The following ZNF169 variants were observed in gnomAD, a reference collection of about 807,000 sequenced individuals.
ZNF169 encodes the protein zinc finger protein 169.
Under a neutral mutation model 12.0 loss-of-function variants are expected in ZNF169, and 11 were observed. The ratio of observed to expected loss-of-function variants is 0.92; its 90% confidence interval spans 0.58 to 1.52. The LOEUF (loss-of-function observed/expected upper bound fraction) is 1.52, where lower values mean the gene tolerates loss of function less well. ZNF169 is among the 40% of genes most tolerant of loss of function. ZNF169 has a pLI of 0.00. For missense variants in ZNF169, 722 were observed against 744.0 expected (o/e 0.97, Z 0.34); for synonymous variants, 302 against 286.5 (o/e 1.05, Z -0.55).
chr9:94,301,032 G>C lies in ZNF169; in HGVS notation c.1474G>C (p.Gly492Arg). 1.9e-6 allele frequency: 3 copies of C among 1,614,042 alleles called. No individual in the cohort carries two copies. Among genetic ancestry groups the C allele is most frequent in the Non-Finnish European group, 2.5e-6 (3 of 1,180,018 alleles). ...GEKPYLCPKC[G>R]RAFGFKSLLT... Reference sequence around the variant, plus strand: ...GAAGCCTTATCTGTGCCCCAAGTGTGGGCGTGCATTTGGCTTTAAGTCGCT... The same window carrying C: ...GAAGCCTTATCTGTGCCCCAAGTGTCGGCGTGCATTTGGCTTTAAGTCGCT... Residue 492 changes from glycine to arginine, a missense_variant, in exon 5 of 5, where the codon GGG (glycine) becomes CGG (arginine). Coordinates refer to ENST00000395395, the MANE Select transcript of ZNF169 (RefSeq NM_194320.4).
intron 1 of ZNF169, among the ~76,000 whole-genome samples, chr9:94,270,689 T>C (rs1274009614): frequency 2.5e-5 from 1 of 39,668 alleles, no homozygotes; most frequent in Non-Finnish European, 7.0e-5. Flanking sequence ...TATATATAAA[T>C]ATATAATTTA....
At chr9:94,292,307 C>A in intron 2 of ZNF169, 34 bp from the exon 3 acceptor site, 1 of 1,613,694 alleles carries the variant, frequency 6.2e-7, no homozygotes. Flanking sequence ...GCATGGCTGG[C>A]TGTTGAGTGA....
At chr9:94,287,873 C>T in intron 2 of ZNF169, 1 of 1,004,832 alleles carries the variant, frequency 1.0e-6, no homozygotes, top group Non-Finnish European at 1.6e-6. Context: ...CAGGGTCGAT[C>T]TGATACTTGG....
chr9:94,269,957 G>A lies in ZNF169; in HGVS notation c.-55-8801G>A, dbSNP rs544612414. On this transcript the variant is annotated intron_variant, in intron 1 of 4. Transcript: ENST00000395395. ...CCTGCTAAATCAGGAGGTTTGAGGAGTTCCTTCAGGCCCCAAATAAACTTG... is the reference window on the plus strand; with the variant it reads ...CCTGCTAAATCAGGAGGTTTGAGGAATTCCTTCAGGCCCCAAATAAACTTG... Among the ~76,000 whole-genome samples, 9 of 152,296 alleles carry A rather than the reference G, an allele frequency of 5.9e-5. No individual in the cohort carries two copies. In the East Asian group the frequency reaches 1.7e-3, roughly 29 times the overall value.
chr9:94,300,377 G>A lies in ZNF169; in HGVS notation c.819G>A (p.Gln273=), dbSNP rs1288204739. Residue 273 remains glutamine (Q), a synonymous_variant, in exon 5 of 5, where the codon CAG becomes CAA. Transcript: ENST00000395395. ...CTGAGTGTGGGCGTCGGTTTAGCCA[G>A]AAGGCCTCCCTCTCCATACACCAGA... ...LCPECGRRFS[Q]KASLSIHQRK... is the part of the protein sequence containing the mutation. The A allele has an allele frequency of 6.2e-7, 1 of 1,613,860 alleles. No individual in the cohort carries two copies. Among genetic ancestry groups the A allele is most frequent in the Non-Finnish European group, 8.5e-7 (1 of 1,179,924 alleles).
intron 1 of ZNF169, among the ~76,000 whole-genome samples, chr9:94,260,957 C>A (rs994776117): frequency 6.6e-6 from 1 of 150,954 alleles, no homozygotes. Context: ...GTAGCTGGTA[C>A]CACAGGCGCC....
intron 4 of ZNF169, among the ~76,000 whole-genome samples, chr9:94,296,042 T>A (rs62579665): frequency 1.3e-5 from 2 of 152,018 alleles, no homozygotes; most frequent in Non-Finnish European, 2.9e-5. Context: ...TTGTCAAAAC[T>A]TGGCTTGGTT....
chr9:94,267,630 GCAAAA>G (rs1421223307), intron 1 of ZNF169, among the ~76,000 whole-genome samples: 1 of 152,134 alleles, frequency 6.6e-6, no homozygotes, highest in Non-Finnish European at 1.5e-5. Flanking sequence ...ACACTGAAAA[GCAAAA>G]CAAAGGATTA....
At chr9:94,294,755 A>G (rs539783623) in intron 4 of ZNF169, 90 of 152,304 alleles carry the variant, frequency 5.9e-4, no homozygotes, top group African/African-American at 2.1e-3. Context: ...TGACCATTCA[A>G]GGTGTTTGCC....
intron 1 of ZNF169, 107 bp from the exon 2 acceptor site, chr9:94,278,651 C>G: frequency 1.7e-6 from 1 of 598,114 alleles, no homozygotes; most frequent in Non-Finnish European, 2.9e-6. Context: ...TGCAACCTGT[C>G]TTTGTTGCTT....
intron 1 of ZNF169, among the ~76,000 whole-genome samples, chr9:94,260,812 ATTTTTTTTT>A (rs561717345): frequency 1.4e-5 from 1 of 70,082 alleles, no homozygotes; most frequent in African/African-American, 3.9e-5. Context: ...CCAAACCTAC[ATTTTTTTTT>A]TTTTTTTTTT....
rs561566587 is a variant in ZNF169, at chr9:94,300,992, GAC to G, written c.1442_1443del (p.Thr481ArgfsTer17). ...AGGTCACCCTCATCAGACACCAGAGGACACACACAGGGGAGAAGCCTTATCTG... is the reference window on the plus strand; with the variant it reads ...AGGTCACCCTCATCAGACACCAGAGGACACACAGGGGAGAAGCCTTATCTG... ...QKVTLIRHQR[T>X]HTGEKPYLCP... On this transcript the variant is annotated frameshift_variant, in exon 5 of 5. Transcript: ENST00000395395. LOFTEE classifies it low-confidence loss of function (END_TRUNC). The G allele has an allele frequency of 3.8e-5, 62 of 1,612,436 alleles. No homozygotes were observed. The African/African-American group carries it at 4.8e-4, about 13-fold the overall frequency.
chr9:94,300,665 AG>A lies in ZNF169; in HGVS notation c.1111del (p.Glu371ArgfsTer145). ...TCCTCCAGCACCAGAGCTCACACAC[AG>A]GGGAGAGGCCCTTCCTGTGCCTTGA... The part of the protein sequence containing the change: ...SLLQHQSSHT[G>X]ERPFLCLECG... On this transcript the variant is annotated frameshift_variant, in exon 5 of 5. Transcript: ENST00000395395. LOFTEE classifies it low-confidence loss of function (END_TRUNC). The A allele has an allele frequency of 6.2e-7, 1 of 1,613,854 alleles. No individual in the cohort carries two copies. Among genetic ancestry groups the A allele is most frequent in the South Asian group, 1.1e-5 (1 of 91,048 alleles).
chr9:94,282,728 G>T (rs936196720), intron 2 of ZNF169, among the ~76,000 whole-genome samples: 2 of 151,896 alleles, frequency 1.3e-5, no homozygotes, highest in Non-Finnish European at 2.9e-5. Context: ...TATTTGTTGT[G>T]TACAGGAGAC....
At position 94,301,481 on chromosome 9, in the gene ZNF169, A is replaced by G. The variant is rs1587693143; in HGVS notation, c.*111A>G. The G allele has an allele frequency of 1.4e-6, 2 of 1,441,776 alleles. No individual in the cohort carries two copies. The highest frequency in any genetic ancestry group is 3.1e-5 in the South Asian group (2 of 64,302). 89.3% of individuals were successfully genotyped at this position (1,441,776 alleles called of 1,614,324 possible). On this transcript the variant is annotated 3_prime_UTR_variant, in exon 5 of 5. Transcript: ENST00000395395. ...GTTGCTTTCTTTCATCGATCATGAG[A>G]TAGTTGATTTTTGGTTTACTTTCTA...
chr9:94,292,762 T>A, intron 3 of ZNF169: 1 of 616,586 alleles, frequency 1.6e-6, no homozygotes, highest in Non-Finnish European at 2.8e-6. Flanking sequence ...TTTTATTGAC[T>A]CAAGCACAGG....
chr9:94,293,185 CCA>C, intron 4 of ZNF169, 116 bp downstream of exon 4: 1 of 919,348 alleles, frequency 1.1e-6, no homozygotes. Context: ...GCCTCCTAGG[CCA>C]CTGGTAAAGG....
Position 94,300,187 on chromosome 9 carries a change from G to A in ZNF169, c.629G>A (p.Gly210Glu). Residue 210 changes from glycine (G) to glutamate (E), a missense_variant, in exon 5 of 5, where the codon GGA (glycine) becomes GAA (glutamate). Coordinates refer to ENST00000395395, the MANE Select transcript of ZNF169 (RefSeq NM_194320.4). ...MLKGADTSES[G>E]AVIRGNYRLG... is the part of the protein sequence containing the mutation. Reference sequence around the variant, plus strand: ...AAGGGAGCAGACACTTCAGAATCTGGAGCAGTCATACGTGGAAACTATAGA... The same window carrying A: ...AAGGGAGCAGACACTTCAGAATCTGAAGCAGTCATACGTGGAAACTATAGA... The A allele has an allele frequency of 1.2e-6, 2 of 1,614,178 alleles. No individual in the cohort carries two copies. The highest frequency in any genetic ancestry group is 1.7e-6 in the Non-Finnish European group (2 of 1,180,032).
intron 2 of ZNF169, among the ~76,000 whole-genome samples, chr9:94,285,445 G>A (rs1248282678): frequency 6.6e-6 from 1 of 152,040 alleles, no homozygotes; most frequent in Non-Finnish European, 1.5e-5. Context: ...TTTGGAGGTT[G>A]GAAGGGGAAA....
Sources: gnomAD v4.1 joint callset for allele counts (sites outside exome capture counted in the v4.1 genomes callset) on GRCh38, gnomAD v4.1.1 for gene constraint, MANE v1.5 for transcripts, NCBI Gene and HGNC (gene_info 2026-07-23, HGNC 2026-07-21) for gene names.